MYMX: variants seen among roughly 807,000 people sequenced by gnomAD.
MYMX encodes the protein protein myomixer.
the MYMX span, among the ~76,000 whole-genome samples, chr6:44,196,008 T>C: frequency 1.3e-5 from 2 of 152,178 alleles, no homozygotes; most frequent in African/African-American, 4.8e-5. Flanking sequence ...AGTGGCATGA[T>C]CTCAGCTCAC....
chr6:44,214,880 A>G (rs1775777811), upstream of MYMX, among the ~76,000 whole-genome samples: 1 of 152,084 alleles, frequency 6.6e-6, no homozygotes, highest in Non-Finnish European at 1.5e-5. Flanking sequence ...GCTAGTGGTG[A>G]GAACTGAGCG....
the MYMX span, among the ~76,000 whole-genome samples, chr6:44,208,246 CA>C: frequency 3.8e-3 from 467 of 123,190 alleles, 1 homozygote; most frequent in South Asian, 0.031. Context: ...GATCTTGTCT[CA>C]AAAAAAAAAA....
At chr6:44,199,619 A>G in the MYMX span, among the ~76,000 whole-genome samples, 1 of 152,088 alleles carries the variant, frequency 6.6e-6, no homozygotes, top group Non-Finnish European at 1.5e-5. Flanking sequence ...TTCCAGAAAG[A>G]CAAAAAACAC....
chr6:44,212,222 A>G (rs1775628017), upstream of MYMX, among the ~76,000 whole-genome samples: 1 of 151,868 alleles, frequency 6.6e-6, no homozygotes, highest in Admixed American at 6.6e-5. Flanking sequence ...CCTGGGCAAC[A>G]TGGCCAAACA....
chr6:44,216,655 A>G (rs1325402642), upstream of MYMX, among the ~76,000 whole-genome samples: 2 of 20,796 alleles, frequency 9.6e-5, no homozygotes, highest in Non-Finnish European at 1.5e-4. Flanking sequence ...TCTGTCTCAA[A>G]AAAAAAAAAA....
At chr6:44,196,226 G>A in the MYMX span, among the ~76,000 whole-genome samples, 1 of 152,166 alleles carries the variant, frequency 6.6e-6, no homozygotes, top group African/African-American at 2.4e-5. Context: ...TCCCAGCCTG[G>A]ACATCCTTGT....
chr6:44,198,341 A>T, the MYMX span, among the ~76,000 whole-genome samples: 1 of 150,230 alleles, frequency 6.7e-6, no homozygotes, highest in South Asian at 2.1e-4. Flanking sequence ...AATTTTTTAT[A>T]TTTTTAGTAG....
the MYMX span, among the ~76,000 whole-genome samples, chr6:44,194,168 G>A: frequency 3.3e-5 from 5 of 152,248 alleles, no homozygotes; most frequent in East Asian, 1.9e-4. Context: ...GAAGTTTAAC[G>A]ACATCTGTTG....
At chr6:44,206,610 T>A in the MYMX span, among the ~76,000 whole-genome samples, 1 of 152,116 alleles carries the variant, frequency 6.6e-6, no homozygotes, top group Non-Finnish European at 1.5e-5. Context: ...GGTTTGGGGA[T>A]TTTTCTTTTA....
chr6:44,199,073 C>G, the MYMX span, among the ~76,000 whole-genome samples: 19 of 152,320 alleles, frequency 1.2e-4, no homozygotes, highest in East Asian at 3.5e-3. Flanking sequence ...TCTAATCTCT[C>G]TATTCTGTTC....
At chr6:44,213,195 C>A (rs1168237449), upstream of MYMX, among the ~76,000 whole-genome samples, 1 of 151,616 alleles carries the variant, frequency 6.6e-6, no homozygotes, top group Non-Finnish European at 1.5e-5. Flanking sequence ...ACCATTCTGG[C>A]CAACATGATG....
At chr6:44,213,750 C>G (rs550719660), upstream of MYMX, among the ~76,000 whole-genome samples, 7 of 152,274 alleles carry the variant, frequency 4.6e-5, no homozygotes, top group Non-Finnish European at 8.8e-5. Flanking sequence ...ACAAGTGATC[C>G]TATTTAATCA....
chr6:44,205,351 T>G, the MYMX span, among the ~76,000 whole-genome samples: 1 of 152,080 alleles, frequency 6.6e-6, no homozygotes, highest in Non-Finnish European at 1.5e-5. Flanking sequence ...AATTATCCAT[T>G]GGAAGAGGAA....
chr6:44,211,684 C>T, the MYMX span, among the ~76,000 whole-genome samples: 1 of 145,942 alleles, frequency 6.9e-6, no homozygotes, highest in Non-Finnish European at 1.5e-5. Flanking sequence ...GTGGTGTGAT[C>T]TCTGCTTACT....
At position 44,217,964 on chromosome 6, in the gene MYMX, C is replaced by A; in HGVS notation, c.*238C>A. On this transcript the variant is annotated 3_prime_UTR_variant, in exon 2 of 2. Transcript: ENST00000573382. The stretch of plus-strand genomic sequence containing the variant: ...CCCCTCTGTCCTCCAGCAGTTCCTC[C>A]CAAAGACCACTCCTAATCACCTCTG... 2.7e-6 allele frequency: 1 copy of A among 363,986 alleles called. No individual in the cohort carries two copies. The allele number at this position is 363,986 out of a possible 1,614,324, so 22.5% of individuals were successfully genotyped here. A position where few individuals can be genotyped will look rare whatever the true frequency, so the allele number is the denominator to read the frequency against.
chr6:44,212,235 T>A (rs773613534), upstream of MYMX, among the ~76,000 whole-genome samples: 1 of 151,264 alleles, frequency 6.6e-6, no homozygotes, highest in Non-Finnish European at 1.5e-5. Flanking sequence ...GCCAAACATG[T>A]CTCTACTAAA....
the MYMX span, among the ~76,000 whole-genome samples, chr6:44,192,736 A>G: frequency 2.6e-5 from 4 of 152,270 alleles, no homozygotes; most frequent in South Asian, 8.3e-4. Flanking sequence ...TCCACCCTCC[A>G]GGAAGCCAGC....
upstream of MYMX, among the ~76,000 whole-genome samples, chr6:44,213,699 C>A (rs866174329): frequency 1.6e-4 from 24 of 152,318 alleles, no homozygotes; most frequent in African/African-American, 5.5e-4. Context: ...GGATTACAGG[C>A]GTGAGCCACT....
chr6:44,196,632 C>T, the MYMX span, among the ~76,000 whole-genome samples: 3 of 152,068 alleles, frequency 2.0e-5, no homozygotes, highest in African/African-American at 4.8e-5. Flanking sequence ...TACTGTACTC[C>T]AGCCTGGGCT....
Sources: allele counts gnomAD v4.1 joint callset (sites outside exome capture counted in the v4.1 genomes callset), GRCh38; gene constraint gnomAD v4.1.1; transcripts MANE v1.5; gene names NCBI Gene and HGNC (gene_info 2026-07-23, HGNC 2026-07-21).